The following STAU1 variants were observed in gnomAD, a reference collection of about 807,000 sequenced individuals.
STAU1 encodes double-stranded RNA-binding protein Staufen homolog 1.
In STAU1, 13 loss-of-function variants were observed where a neutral mutation model predicts 62.9. The ratio of observed to expected loss-of-function variants is 0.21; its 90% CI spans 0.13 to 0.33. The LOEUF (loss-of-function observed/expected upper bound fraction) is 0.33. Ranked by LOEUF, STAU1 falls within the 10% of genes least tolerant of loss-of-function variation. The pLI is 1.00. For synonymous variants in STAU1, 269 were observed against 265.1 expected, an observed-to-expected ratio of 1.01 and a Z score of -0.14; for missense variants, 571 against 712.1, an observed-to-expected ratio of 0.80 and a Z score of 2.25.
At chr20:49,145,451 G>C (rs1425519357) in intron 5 of STAU1, among the ~76,000 whole-genome samples, 8 of 83,686 alleles carry the variant, frequency 9.6e-5, no homozygotes, top group African/African-American at 3.7e-4. Flanking sequence ...AAAAAAAAAA[G>C]ACCAAGCGTG....
chr20:49,154,446 T>C (rs2093322611), intron 3 of STAU1, among the ~76,000 whole-genome samples: 1 of 152,250 alleles, frequency 6.6e-6, no homozygotes. Flanking sequence ...ACTTAATCAA[T>C]ATAACCTTGG....
At chr20:49,181,758 T>C (rs1289045387) in intron 1 of STAU1, among the ~76,000 whole-genome samples, 2 of 64,378 alleles carry the variant, frequency 3.1e-5, no homozygotes, top group African/African-American at 7.1e-5. Context: ...AGAGCAAGAC[T>C]ATCTCAACAA....
At chr20:49,199,631 G>A in the STAU1 span, among the ~76,000 whole-genome samples, 2 of 149,602 alleles carry the variant, frequency 1.3e-5, no homozygotes, top group Non-Finnish European at 3.0e-5. Context: ...GGAGTGCAGT[G>A]GTGCGATCTT....
Position 49,115,786 on chromosome 20 carries a change from A to C in STAU1, c.1714T>G (p.Ser572Ala), listed in dbSNP as rs760976777. 6.2e-7 allele frequency: 1 copy of C among 1,614,000 alleles called. No individual in the cohort carries two copies. The highest frequency in any genetic ancestry group is 1.1e-5 in the South Asian group (1 of 91,080). The change falls in exon 13 of 14, where the codon TCT (serine) becomes GCT (alanine). Residue 572 changes from serine to alanine, a missense_variant. Around this residue, in one of 3 missense-constraint regions of STAU1, gnomAD observed 156 missense variants for 194.7 expected, o/e 0.80. Transcript: ENST00000371856. Reference protein sequence around the residue: ...EMPRTGNGPMSVCGRC With the variant: ...EMPRTGNGPMAVCGRC ...CCCCTTCATCAGTGCACTCACACAG[A>C]CATTGGTCCGTTTCCTGTTCTTGGC... is the stretch of plus-strand genomic sequence containing the variant.
At chr20:49,114,996 C>A in intron 13 of STAU1, 103 bp from the exon 14 acceptor site, 1 of 1,205,376 alleles carries the variant, frequency 8.3e-7, no homozygotes, top group Non-Finnish European at 1.2e-6. Flanking sequence ...AAGTACAATA[C>A]TAAAAGCCCC....
intron 8 of STAU1, among the ~76,000 whole-genome samples, 197 bp downstream of exon 8, chr20:49,122,895 C>A (rs903742871): frequency 6.6e-6 from 1 of 150,524 alleles, no homozygotes; most frequent in Admixed American, 6.7e-5. Context: ...CCAGCCTGGG[C>A]GACAGAGTGA....
intron 4 of STAU1, 129 bp from the exon 5 acceptor site, chr20:49,151,876 T>C (rs2093257394): frequency 4.0e-6 from 3 of 753,250 alleles, no homozygotes; most frequent in Non-Finnish European, 6.1e-6. Flanking sequence ...TAATCACTCT[T>C]CATCAATATA....
intron 3 of STAU1, chr20:49,158,512 C>G: frequency 7.7e-7 from 1 of 1,303,958 alleles, no homozygotes; most frequent in African/African-American, 1.5e-5. Context: ...AGGAAAAAAA[C>G]AAAGAATCCT....
the STAU1 span, among the ~76,000 whole-genome samples, chr20:49,219,013 CAAAAAAAAAA>C: frequency 5.6e-5 from 3 of 53,176 alleles, no homozygotes; most frequent in African/African-American, 2.2e-4. Flanking sequence ...AACCCTGCCT[CAAAAAAAAAA>C]AAAAAAAAAA....
intron 6 of STAU1, among the ~76,000 whole-genome samples, chr20:49,124,876 C>T (rs926112755): frequency 6.6e-6 from 1 of 151,922 alleles, no homozygotes; most frequent in Non-Finnish European, 1.5e-5. Context: ...TAGTGTGGTC[C>T]ACTGCAACTG....
chr20:49,218,553 C>G, the STAU1 span, among the ~76,000 whole-genome samples: 3 of 145,368 alleles, frequency 2.1e-5, no homozygotes, highest in Admixed American at 2.2e-4. Flanking sequence ...AACAAACAAA[C>G]AAACAAACAA....
chr20:49,180,429 T>G (rs1413363779), intron 1 of STAU1, among the ~76,000 whole-genome samples: 1 of 151,942 alleles, frequency 6.6e-6, no homozygotes, highest in African/African-American at 2.4e-5. Context: ...GTTCAAGCCA[T>G]TCTCCTGCCT....
At chr20:49,132,758 T>A (rs1158342630) in intron 6 of STAU1, among the ~76,000 whole-genome samples, 1 of 130,406 alleles carries the variant, frequency 7.7e-6, no homozygotes, top group Admixed American at 7.6e-5. Context: ...AAACTCCATC[T>A]CCAAAACAAA....
intron 8 of STAU1, among the ~76,000 whole-genome samples, chr20:49,121,126 G>C (rs1283283310): frequency 1.3e-5 from 2 of 151,900 alleles, no homozygotes; most frequent in Non-Finnish European, 2.9e-5. Context: ...ACATCAACCA[G>C]CCGGGCGTGG....
At chr20:49,127,637 C>T (rs190520238) in intron 6 of STAU1, among the ~76,000 whole-genome samples, 3 of 152,068 alleles carry the variant, frequency 2.0e-5, no homozygotes, top group South Asian at 2.1e-4. Context: ...ACCCCAGAGG[C>T]GGAGGTTGCA....
rs1176862545 is a variant in STAU1, at chr20:49,130,543, T to C, written c.609+5290A>G. Among the ~76,000 whole-genome samples the C allele has an allele frequency of 2.6e-5, 4 of 152,030 alleles. No homozygotes were observed. The South Asian group carries it at 6.2e-4, about 24-fold the overall frequency. On this transcript the variant is annotated intron_variant, in intron 6 of 13. Coordinates refer to ENST00000371856, the MANE Select transcript of STAU1 (RefSeq NM_017453.4). The stretch of plus-strand genomic sequence containing the variant: ...CACAAGGGCCAATTTAAAGGACAAT[T>C]TGGACATCAAAATGGGTGACGATAA...
At chr20:49,153,814 A>G in intron 4 of STAU1, 119 bp downstream of exon 4, 1 of 1,099,956 alleles carries the variant, frequency 9.1e-7, no homozygotes, top group Non-Finnish European at 1.2e-6. Context: ...CAACTTCAAC[A>G]CTTGGCAGGC....
At position 49,114,829 on chromosome 20, in the gene STAU1, T is replaced by C. The variant is rs2092274073; in HGVS notation, c.*49A>G. ...CAAATTTTCAAAGCAGTTTCAGTAT[T>C]TTCAGTATATATGTTGGGATTTTAT... On this transcript the variant is annotated 3_prime_UTR_variant, in exon 14 of 14. Transcript: ENST00000371856. 1 of 1,598,028 alleles carries C rather than the reference T, an allele frequency of 6.3e-7. No homozygotes were observed. The highest frequency in any genetic ancestry group is 1.1e-5 in the South Asian group (1 of 90,370).
chr20:49,186,107 G>A (rs2093783643), intron 1 of STAU1, among the ~76,000 whole-genome samples: 1 of 152,080 alleles, frequency 6.6e-6, no homozygotes, highest in African/African-American at 2.4e-5. Context: ...ACCTGCTTAT[G>A]GAGGCCTAGG....
Sources: allele counts gnomAD v4.1 joint callset (sites outside exome capture counted in the v4.1 genomes callset), GRCh38; gene constraint gnomAD v4.1.1; regional missense constraint gnomAD v4.1.1; transcripts MANE v1.5; gene names NCBI Gene and HGNC (gene_info 2026-07-23, HGNC 2026-07-21).